MAGI3: variants seen among roughly 807,000 people sequenced by gnomAD.
MAGI3 encodes membrane associated guanylate kinase, WW and PDZ domain containing 3.
In MAGI3, 43 loss-of-function variants were observed where a neutral mutation model predicts 121.8. That is an observed-to-expected ratio of 0.35 (90% CI 0.28 to 0.46). The LOEUF is 0.46. Among genes scored for constraint, MAGI3 ranks in the 20% least tolerant of loss-of-function variants. The probability of loss-of-function intolerance (pLI) is 1.00; values close to 1 mark genes in which losing one functional copy is unlikely to be tolerated. For missense variants in MAGI3, 1,547 were observed against 1,797.3 expected (o/e 0.86, Z 2.52); for synonymous variants, 553 against 639.3 (o/e 0.86, Z 2.04).
At chr1:113,635,946 T>C (rs1651986664) in intron 9 of MAGI3, among the ~76,000 whole-genome samples, 1 of 152,204 alleles carries the variant, frequency 6.6e-6, no homozygotes, top group African/African-American at 2.4e-5. Context: ...CTTCCTGGTT[T>C]AGTCTTGGGA....
intron 1 of MAGI3, among the ~76,000 whole-genome samples, chr1:113,397,331 C>T (rs1651170635): frequency 6.6e-6 from 1 of 152,062 alleles, no homozygotes; most frequent in South Asian, 2.1e-4. Flanking sequence ...AGGATCCACG[C>T]CATCTGCCCT....
intron 12 of MAGI3, among the ~76,000 whole-genome samples, chr1:113,648,189 C>G (rs989907726): frequency 5.9e-5 from 9 of 152,154 alleles, no homozygotes; most frequent in African/African-American, 2.2e-4. Flanking sequence ...CCAAAGTGGA[C>G]TCTTTTAATC....
chr1:113,551,281 T>C (rs912877022), intron 2 of MAGI3, among the ~76,000 whole-genome samples: 2 of 152,194 alleles, frequency 1.3e-5, no homozygotes, highest in African/African-American at 2.4e-5. Context: ...AAGCAGTGTT[T>C]GTCCCCTTCC....
At chr1:113,541,811 G>A (rs909056681) in intron 1 of MAGI3, among the ~76,000 whole-genome samples, 24 of 152,164 alleles carry the variant, frequency 1.6e-4, no homozygotes, top group African/African-American at 1.4e-4. Context: ...AAGGTTCTGC[G>A]TAACCTACTG....
Position 113,580,604 on chromosome 1 carries a change from G to A in MAGI3, c.496G>A (p.Glu166Lys). Residue 166 changes from glutamate (E) to lysine (K), a missense_variant, in exon 3 of 21, where the codon GAA becomes AAA. Coordinates refer to ENST00000307546, the MANE Select transcript of MAGI3 (RefSeq NM_001142782.2). The part of the protein sequence containing the change: ...PGVDYNFISV[E>K]QFKALEESGA... The stretch of plus-strand genomic sequence containing the variant: ...AGTGGATTATAATTTCATTTCCGTT[G>A]AACAGTTCAAAGCACTGGAAGAGAG... 6.2e-7 allele frequency: 1 copy of A among 1,611,894 alleles called. No individual in the cohort carries two copies. Among genetic ancestry groups the A allele is most frequent in the Non-Finnish European group, 8.5e-7 (1 of 1,178,762 alleles).
chr1:113,396,439 A>G (rs1391336788), intron 1 of MAGI3, among the ~76,000 whole-genome samples: 2 of 152,110 alleles, frequency 1.3e-5, no homozygotes, highest in East Asian at 3.8e-4. Flanking sequence ...ATTTTGGTAG[A>G]TAGAGTGAAT....
intron 1 of MAGI3, among the ~76,000 whole-genome samples, chr1:113,475,047 A>C (rs1655743168): frequency 6.6e-6 from 1 of 151,902 alleles, no homozygotes; most frequent in Non-Finnish European, 1.5e-5. Flanking sequence ...TTGTCTGTTA[A>C]TGATGTATAG....
chr1:113,437,870 T>TTCTTCTTCTTCTTCC (rs1557757143), intron 1 of MAGI3, among the ~76,000 whole-genome samples: 59 of 18,488 alleles, frequency 3.2e-3, no homozygotes, highest in East Asian at 7.4e-3. Context: ...CTTCCTCTTC[T>TTCTTCTTCTTCTTCC]TCTTCTTCTC....
At chr1:113,463,478 G>T (rs1275422767) in intron 1 of MAGI3, among the ~76,000 whole-genome samples, 1 of 151,978 alleles carries the variant, frequency 6.6e-6, no homozygotes, top group Admixed American at 6.6e-5. Flanking sequence ...TGGATCAAAA[G>T]ATAAGAGTAA....
rs200830696 is a variant in MAGI3, at chr1:113,549,614, A to G, written c.416A>G (p.Tyr139Cys). The G allele has an allele frequency of 1.3e-6, 2 of 1,585,824 alleles. No homozygotes were observed. The highest frequency in any genetic ancestry group is 3.5e-5 in the Admixed American group (2 of 57,778). The stretch of plus-strand genomic sequence containing the variant: ...CAGCAAGTGATCAGAGATAATCTCT[A>G]CTTGAGAACCATTCCATGTAAGTAT... ...KLQQVIRDNL[Y>C]LRTIPCTTRA... The change falls in exon 2 of 21, where the codon TAC (tyrosine) becomes TGC (cysteine). Residue 139 changes from tyrosine to cysteine, a missense_variant. Transcript: ENST00000307546.
At chr1:113,668,562 CAT>C (rs1647307358) in intron 16 of MAGI3, among the ~76,000 whole-genome samples, 1 of 143,484 alleles carries the variant, frequency 7.0e-6, no homozygotes, top group Non-Finnish European at 1.5e-5. Context: ...CAACAAAAAA[CAT>C]GTAACTTTTT....
At chr1:113,577,310 G>T (rs1182642641) in intron 2 of MAGI3, among the ~76,000 whole-genome samples, 2 of 152,152 alleles carry the variant, frequency 1.3e-5, no homozygotes, top group Non-Finnish European at 2.9e-5. Flanking sequence ...GCAAAGTGGA[G>T]ACTATTGTTG....
intron 9 of MAGI3, among the ~76,000 whole-genome samples, chr1:113,640,088 TC>T (rs1365452359): frequency 6.6e-6 from 1 of 152,054 alleles, no homozygotes; most frequent in Non-Finnish European, 1.5e-5. Context: ...CAGATACTTC[TC>T]AAAAAAAGAC....
chr1:113,483,134 A>T (rs2101567037), intron 1 of MAGI3, among the ~76,000 whole-genome samples: 1 of 152,288 alleles, frequency 6.6e-6, no homozygotes, highest in East Asian at 1.9e-4. Flanking sequence ...CTTTTAAAAG[A>T]TTACTGGAAA....
chr1:113,650,897 GT>G, intron 13 of MAGI3, 116 bp from the exon 14 acceptor site: 8 of 861,260 alleles, frequency 9.3e-6, no homozygotes, highest in Non-Finnish European at 1.5e-5. Flanking sequence ...AAATATAACT[GT>G]TTTCATAGTT....
At chr1:113,489,602 A>T (rs556380485) in intron 1 of MAGI3, among the ~76,000 whole-genome samples, 1 of 152,302 alleles carries the variant, frequency 6.6e-6, no homozygotes, top group East Asian at 1.9e-4. Flanking sequence ...TCATTGAGAT[A>T]CACGAGTATG....
chr1:113,442,067 C>T (rs891938066), intron 1 of MAGI3, among the ~76,000 whole-genome samples: 1 of 151,860 alleles, frequency 6.6e-6, no homozygotes, highest in Admixed American at 6.6e-5. Context: ...ATGTTAATGC[C>T]AGATTTTCTA....
chr1:113,505,227 A>T (rs1657259528), intron 1 of MAGI3, among the ~76,000 whole-genome samples: 1 of 152,170 alleles, frequency 6.6e-6, no homozygotes, highest in South Asian at 2.1e-4. Flanking sequence ...TGAACTATAG[A>T]GGCAATATTA....
intron 1 of MAGI3, among the ~76,000 whole-genome samples, chr1:113,505,831 G>A (rs529225804): frequency 1.3e-5 from 2 of 152,142 alleles, no homozygotes; most frequent in African/African-American, 2.4e-5. Context: ...AGACCAGAGT[G>A]ACTAAAGCAT....
Sources: allele counts gnomAD v4.1 joint callset (sites outside exome capture counted in the v4.1 genomes callset), GRCh38; gene constraint gnomAD v4.1.1; transcripts MANE v1.5; gene names NCBI Gene and HGNC (gene_info 2026-07-23, HGNC 2026-07-21).